CNTN5: variants seen among roughly 807,000 people sequenced by gnomAD.
The protein encoded by CNTN5 is contactin-5.
A neutral mutation model predicts 129.1 loss-of-function variants in CNTN5; 77 were observed. The ratio of observed to expected loss-of-function variants is 0.60; its 90% confidence interval spans 0.50 to 0.72. The LOEUF (loss-of-function observed/expected upper bound fraction) is 0.72. Ranked by LOEUF, CNTN5 falls within the 30% of genes least tolerant of loss-of-function variation. CNTN5 has a pLI of 0.00. For synonymous variants in CNTN5, 509 were observed against 465.6 expected (o/e 1.09, Z -1.20); for missense variants, 1,478 against 1,328.8 (o/e 1.11, Z -1.75).
chr11:100,265,918 A>C (rs1950292938), intron 17 of CNTN5, among the ~76,000 whole-genome samples: 1 of 152,066 alleles, frequency 6.6e-6, no homozygotes. Flanking sequence ...ATAGTTTTTG[A>C]TTATGTCTAC....
chr11:100,332,568 T>C (rs115238748), intron 21 of CNTN5, among the ~76,000 whole-genome samples: 128 of 152,170 alleles, frequency 8.4e-4, no homozygotes, highest in African/African-American at 2.8e-3. Context: ...CTGATCATCA[T>C]AGATGCAAAA....
chr11:99,695,033 CA>C (rs1333057261), intron 3 of CNTN5, among the ~76,000 whole-genome samples: 3 of 151,952 alleles, frequency 2.0e-5, no homozygotes, highest in African/African-American at 7.2e-5. Context: ...AGTCTGGTAG[CA>C]TATTACAAAA....
chr11:99,547,178 T>A (rs1948326306), intron 2 of CNTN5, among the ~76,000 whole-genome samples: 1 of 151,924 alleles, frequency 6.6e-6, no homozygotes, highest in South Asian at 2.1e-4. Flanking sequence ...TAATTTTGTA[T>A]TTTTTTAGTA....
Position 100,050,637 on chromosome 11 carries a change from A to T in CNTN5, c.981-10575A>T, listed in dbSNP as rs1378255164. On this transcript the variant is annotated intron_variant, in intron 9 of 24. Transcript: ENST00000524871. ...ACTTAAAGTATAATAATAATAAAAT[A>T]AAAAAAAGAAATGAGAAAAAAAAGA... is the stretch of plus-strand genomic sequence containing the variant. 3.3e-5 allele frequency among the ~76,000 whole-genome samples: 5 copies of T among 151,484 alleles called. No homozygotes were observed. In the South Asian group the frequency reaches 8.3e-4, roughly 25 times the overall value.
chr11:99,228,551 G>C (rs555424655), intron 1 of CNTN5, among the ~76,000 whole-genome samples: 7 of 152,120 alleles, frequency 4.6e-5, no homozygotes, highest in Admixed American at 4.6e-4. Context: ...ACCTTGAATC[G>C]ATCATTACAC....
intron 8 of CNTN5, among the ~76,000 whole-genome samples, chr11:99,991,748 G>GTTTGTTTA (rs1939114251): frequency 6.7e-6 from 1 of 149,684 alleles, no homozygotes; most frequent in South Asian, 2.1e-4. Context: ...ATGCAGGTTT[G>GTTTGTTTA]TTTGTTTGTT....
intron 1 of CNTN5, among the ~76,000 whole-genome samples, chr11:99,265,298 T>A (rs2135837346): frequency 6.6e-6 from 1 of 152,176 alleles, no homozygotes; most frequent in East Asian, 1.9e-4. Context: ...TTTTACTGAA[T>A]CATTTATTTT....
chr11:99,534,648 T>G (rs1209506432), intron 2 of CNTN5, among the ~76,000 whole-genome samples: 1 of 152,210 alleles, frequency 6.6e-6, no homozygotes, highest in Non-Finnish European at 1.5e-5. Flanking sequence ...GCTTTATATG[T>G]TAATTATATA....
At chr11:99,406,661 G>C (rs1942082108) in intron 2 of CNTN5, among the ~76,000 whole-genome samples, 1 of 152,170 alleles carries the variant, frequency 6.6e-6, no homozygotes, top group Non-Finnish European at 1.5e-5. Context: ...CCAGGACTTG[G>C]ACAGGTCCAG....
intron 13 of CNTN5, among the ~76,000 whole-genome samples, chr11:100,116,418 A>C (rs928798642): frequency 6.6e-6 from 1 of 151,996 alleles, no homozygotes; most frequent in African/African-American, 2.4e-5. Flanking sequence ...TAATAAAAAA[A>C]ATTTGGTGAT....
At position 99,731,740 on chromosome 11, in the gene CNTN5, T is replaced by C. The variant is rs150458180; in HGVS notation, c.56-87804T>C. ...TCTTTCTAAGAAATATGTTCTGTAA[T>C]CCCCCAGACTAGAGTAGATGCCTTA... On this transcript the variant is annotated intron_variant, in intron 3 of 24. Coordinates refer to ENST00000524871, the MANE Select transcript of CNTN5 (RefSeq NM_014361.4). Among the ~76,000 whole-genome samples the C allele has an allele frequency of 4.3e-3, 656 of 152,248 alleles. 3 individuals are homozygous for C. Among genetic ancestry groups the C allele is most frequent in the African/African-American group, 0.015 (625 of 41,532 alleles).
intron 1 of CNTN5, among the ~76,000 whole-genome samples, chr11:99,122,930 T>A (rs959716578): frequency 1.3e-5 from 2 of 152,174 alleles, no homozygotes; most frequent in African/African-American, 2.4e-5. Flanking sequence ...TCATATTTTT[T>A]AATGCAGTCT....
chr11:99,704,448 G>C (rs571718944), intron 3 of CNTN5, among the ~76,000 whole-genome samples: 8 of 150,944 alleles, frequency 5.3e-5, no homozygotes, highest in Non-Finnish European at 1.2e-4. Context: ...CCTAGATGAA[G>C]GTTACAAAAA....
chr11:100,340,709 T>A lies in CNTN5; in HGVS notation c.2917+60T>A, dbSNP rs1310272287. 3 of 1,443,122 alleles carry A rather than the reference T, an allele frequency of 2.1e-6. No homozygotes were observed. In the African/African-American group the frequency reaches 4.3e-5, roughly 21 times the overall value. The allele number at this position is 1,443,122 out of a possible 1,614,324, so 89.4% of individuals were successfully genotyped here. On this transcript the variant is annotated intron_variant, in intron 22 of 24. Coordinates refer to ENST00000524871, the MANE Select transcript of CNTN5 (RefSeq NM_014361.4). ...AAGGGGAAACATCGTATAACATTTC[T>A]CAAAGCCACGTGAGGTGCATAATAA...
At chr11:99,973,241 T>TTTC (rs1937696696) in intron 8 of CNTN5, among the ~76,000 whole-genome samples, 1 of 152,168 alleles carries the variant, frequency 6.6e-6, no homozygotes, top group African/African-American at 2.4e-5. Flanking sequence ...TTTATCTCAA[T>TTTC]TAGTAACTGT....
intron 1 of CNTN5, among the ~76,000 whole-genome samples, chr11:99,160,919 A>T (rs1318565170): frequency 6.6e-6 from 1 of 152,184 alleles, no homozygotes; most frequent in Non-Finnish European, 1.5e-5. Context: ...AGATCACGTA[A>T]TTTCCTATAA....
At chr11:99,900,030 CA>C (rs1949312545) in intron 6 of CNTN5, among the ~76,000 whole-genome samples, 1 of 151,148 alleles carries the variant, frequency 6.6e-6, no homozygotes, top group Non-Finnish European at 1.5e-5. Flanking sequence ...TAAAGGTCAT[CA>C]TACTAGTCTC....
intron 6 of CNTN5, among the ~76,000 whole-genome samples, chr11:99,864,816 CAT>C (rs138061433): frequency 0.021 from 3,209 of 152,272 alleles, 69 homozygotes; most frequent in Middle Eastern, 0.044. Context: ...TAATCACTCA[CAT>C]ATAAATACAT....
intron 3 of CNTN5, among the ~76,000 whole-genome samples, chr11:99,737,976 C>A (rs1943765390): frequency 6.6e-6 from 1 of 151,330 alleles, no homozygotes; most frequent in Admixed American, 6.6e-5. Context: ...TATATTTATA[C>A]TTCTTCAAGT....
Sources: gnomAD v4.1 joint callset for allele counts (sites outside exome capture counted in the v4.1 genomes callset) on GRCh38, gnomAD v4.1.1 for gene constraint, MANE v1.5 for transcripts, NCBI Gene and HGNC (gene_info 2026-07-23, HGNC 2026-07-21) for gene names.